GLS: variants seen among roughly 807,000 people sequenced by gnomAD.
The protein encoded by GLS is glutaminase kidney isoform, mitochondrial.
In GLS, 36 loss-of-function variants were observed where a neutral mutation model predicts 86.7. That is an observed-to-expected ratio of 0.42 (90% CI 0.32 to 0.55). GLS has a LOEUF of 0.55. Among genes scored for constraint, GLS ranks in the 20% least tolerant of loss-of-function variants. GLS has a pLI of 0.17. For missense variants in GLS, 528 were observed against 833.4 expected, an observed-to-expected ratio of 0.63 and a Z score of 4.51; for synonymous variants, 317 against 305.9, an observed-to-expected ratio of 1.04 and a Z score of -0.38.
chr2:190,927,245 T>C (rs372114255), intron 11 of GLS, 61 bp from the exon 12 acceptor site: 4 of 1,201,162 alleles, frequency 3.3e-6, no homozygotes, highest in Non-Finnish European at 4.7e-6. Flanking sequence ...AAATAGATTA[T>C]CTTAAAAGTG....
chr2:190,927,848 C>A, intron 12 of GLS: 1 of 161,410 alleles, frequency 6.2e-6, no homozygotes, highest in Non-Finnish European at 1.4e-5. Context: ...TCTTTGGTTA[C>A]GGCCATAGCT....
intron 3 of GLS, chr2:190,896,693 TTTC>T (rs897795664): frequency 1.3e-5 from 2 of 152,174 alleles, no homozygotes; most frequent in African/African-American, 4.8e-5. Flanking sequence ...ACAGCTTGGG[TTTC>T]TTATCTTTTC....
rs1351310507 is a variant in GLS, at chr2:190,895,129, T to C, written c.387-23T>C. On this transcript the variant is annotated intron_variant, in intron 1 of 17. Transcript: ENST00000320717. The surrounding 1 kb of genome is among the most constrained non-coding windows in gnomAD (Gnocchi z 4.2). ...TAGAATGTTCATACAAGGATTAATT[T>C]TGTGTTCTTTCTACCTCTTTAGTAA... 2.0e-6 allele frequency: 2 copies of C among 983,474 alleles called. No individual in the cohort carries two copies. Among genetic ancestry groups the C allele is most frequent in the African/African-American group, 1.6e-5 (1 of 61,938 alleles). The allele number at this position is 983,474 out of a possible 1,614,324, so 60.9% of individuals were successfully genotyped here.
Position 190,930,600 on chromosome 2 carries a change from G to A in GLS, c.1557+32G>A, listed in dbSNP as rs767025947. 48 of 1,578,836 alleles carry A rather than the reference G, an allele frequency of 3.0e-5. No individual in the cohort carries two copies. Among genetic ancestry groups the A allele is most frequent in the Non-Finnish European group, 3.6e-5 (42 of 1,160,710 alleles). ...ATATTTTCTTAATGTAAATAATGGT[G>A]TTACAAGTTGAGCCATCCAATGATT... On this transcript the variant is annotated intron_variant, in intron 13 of 17. Coordinates refer to ENST00000320717, the MANE Select transcript of GLS (RefSeq NM_014905.5). This position sits in a 1 kb window ranked among gnomAD's most constrained non-coding sequence, Gnocchi z 5.0.
At chr2:190,890,555 A>G (rs906979490) in intron 1 of GLS, among the ~76,000 whole-genome samples, 3 of 152,244 alleles carry the variant, frequency 2.0e-5, no homozygotes, top group African/African-American at 7.2e-5. Context: ...TAGACTTAAC[A>G]TTCATTCTCA....
rs778192424 is a variant in GLS at position 190,938,428 on chromosome 2, C to T, written c.1650+6791C>T. Among the ~76,000 whole-genome samples the T allele has an allele frequency of 2.6e-5, 4 of 151,458 alleles. No homozygotes were observed. Among genetic ancestry groups the T allele is most frequent in the East Asian group, 1.9e-4 (1 of 5,200 alleles). On this transcript the variant is annotated intron_variant, in intron 14 of 17. Coordinates refer to ENST00000320717, the MANE Select transcript of GLS (RefSeq NM_014905.5). This position sits in a 1 kb window ranked among gnomAD's most constrained non-coding sequence, Gnocchi z 4.1. ...TTAAATTTATATTCTGTAAAACAGCCGAAGGCTTTCTTTTGTTTTTAAAAC... is the reference window on the plus strand; with the variant it reads ...TTAAATTTATATTCTGTAAAACAGCTGAAGGCTTTCTTTTGTTTTTAAAAC...
intron 9 of GLS, among the ~76,000 whole-genome samples, chr2:190,923,140 AT>A (rs1196494783): frequency 6.6e-6 from 1 of 152,162 alleles, no homozygotes; most frequent in Non-Finnish European, 1.5e-5. Context: ...TAGATCAGTC[AT>A]CACTTCTTTT....
rs1369317540 is a variant in GLS, at chr2:190,921,108, T to A, written c.1072-37T>A. The A allele has an allele frequency of 6.3e-7, 1 of 1,581,062 alleles. No individual in the cohort carries two copies. Among genetic ancestry groups the A allele is most frequent in the Non-Finnish European group, 8.7e-7 (1 of 1,150,490 alleles). On this transcript the variant is annotated intron_variant, in intron 8 of 17. Transcript: ENST00000320717. The surrounding 1 kb of genome is among the most constrained non-coding windows in gnomAD (Gnocchi z 4.2). ...CATGCCACATTCTCTATATATTTGT[T>A]TTTTGATTACTAATATTCCCTACTT...
Position 190,911,763 on chromosome 2 carries a change from T to A in GLS, c.1038+1442T>A, listed in dbSNP as rs1034968711. ...TGCTTGATGACAAAAACACCAAAAG[T>A]GTTTCTTCCCAGAAAAATATCCACA... is the stretch of plus-strand genomic sequence containing the variant. On this transcript the variant is annotated intron_variant, in intron 7 of 17. Coordinates refer to ENST00000320717, the MANE Select transcript of GLS (RefSeq NM_014905.5). Among the ~76,000 whole-genome samples the A allele has an allele frequency of 9.9e-5, 15 of 152,178 alleles. No individual in the cohort carries two copies. The East Asian group carries it at 2.9e-3, about 29-fold the overall frequency.
In GLS at chr2:190,962,052, G is replaced by A. The variant is rs1474354347; in HGVS notation, c.1854-778G>A. On this transcript the variant is annotated intron_variant, in intron 17 of 17. Transcript: ENST00000320717. This position sits in a 1 kb window ranked among gnomAD's most constrained non-coding sequence, Gnocchi z 4.2. The stretch of plus-strand genomic sequence containing the variant: ...ACCCATCGTACCCTGTCATTGACTA[G>A]GGCTGTGAGTTATGTAGTTCTGTCT... Among the ~76,000 whole-genome samples, 1 of 152,194 alleles carries A rather than the reference G, an allele frequency of 6.6e-6. No homozygotes were observed. The highest frequency in any genetic ancestry group is 1.5e-5 in the Non-Finnish European group (1 of 68,026).
intron 17 of GLS, among the ~76,000 whole-genome samples, chr2:190,960,359 A>ATTTTTTT (rs770419477): frequency 5.9e-5 from 6 of 101,482 alleles, no homozygotes; most frequent in African/African-American, 1.6e-4. Context: ...TTAAGCTTCA[A>ATTTTTTT]TTTTTTTTTT....
chr2:190,910,443 A>G (rs975681141), intron 7 of GLS, 122 bp downstream of exon 7: 38 of 580,756 alleles, frequency 6.5e-5, no homozygotes, highest in Admixed American at 1.6e-4. Flanking sequence ...GTGTTAAGAA[A>G]TTTGTCTTAT....
chr2:190,954,694 C>T lies in GLS; in HGVS notation c.1789+34C>T, dbSNP rs779651584. The T allele has an allele frequency of 6.2e-7, 1 of 1,607,598 alleles. No homozygotes were observed. Among genetic ancestry groups the T allele is most frequent in the South Asian group, 1.1e-5 (1 of 90,926 alleles). On this transcript the variant is annotated intron_variant, in intron 16 of 17. Transcript: ENST00000320717. This position sits in a 1 kb window ranked among gnomAD's most constrained non-coding sequence, Gnocchi z 4.0. ...GGAACTACTCCTATCTATTTTCTTTCCAGATTTAATTTCTACTTAGTACTA... is the reference window on the plus strand; with the variant it reads ...GGAACTACTCCTATCTATTTTCTTTTCAGATTTAATTTCTACTTAGTACTA...
intron 5 of GLS, 63 bp downstream of exon 5, chr2:190,902,089 A>G: frequency 1.1e-6 from 1 of 888,054 alleles, no homozygotes; most frequent in East Asian, 2.4e-5. Context: ...AATGGTGAGA[A>G]TGACATGGAG....
Position 190,913,121 on chromosome 2 carries a change from C to T in GLS, c.1038+2800C>T, listed in dbSNP as rs889627025. 2.1e-5 allele frequency: 26 copies of T among 1,260,854 alleles called. 1 individual carries two copies. In the Middle Eastern group the frequency reaches 1.1e-3, roughly 54 times the overall value. The allele number at this position is 1,260,854 out of a possible 1,614,324, so 78.1% of individuals were successfully genotyped here. On this transcript the variant is annotated intron_variant, in intron 7 of 17. Transcript: ENST00000320717. The surrounding 1 kb of genome is among the most constrained non-coding windows in gnomAD (Gnocchi z 6.1). Reference sequence around the variant, plus strand: ...TTTCTTCATGTTAATCCCCCCACCCCAAAATTAAGTAGAGTCTTTAGTAAG... The same window carrying T: ...TTTCTTCATGTTAATCCCCCCACCCTAAAATTAAGTAGAGTCTTTAGTAAG...
chr2:190,895,318 A>G lies in GLS; in HGVS notation c.483+70A>G, dbSNP rs955525338. On this transcript the variant is annotated intron_variant, in intron 2 of 17. Transcript: ENST00000320717. This position sits in a 1 kb window ranked among gnomAD's most constrained non-coding sequence, Gnocchi z 4.2. Reference sequence around the variant, plus strand: ...TAATAAATATATACAGTATTATTGAAATATAGTCTTAAAGGTCGTCTGACA... The same window carrying G: ...TAATAAATATATACAGTATTATTGAGATATAGTCTTAAAGGTCGTCTGACA... 1 of 651,374 alleles carries G rather than the reference A, an allele frequency of 1.5e-6. No individual in the cohort carries two copies. Among genetic ancestry groups the G allele is most frequent in the South Asian group, 2.2e-5 (1 of 45,690 alleles). 40.3% of individuals were successfully genotyped at this position (651,374 alleles called of 1,614,324 possible). A position where few individuals can be genotyped will look rare whatever the true frequency, so the allele number is the denominator to read the frequency against.
intron 7 of GLS, among the ~76,000 whole-genome samples, chr2:190,916,912 A>G (rs768321106): frequency 1.3e-5 from 2 of 152,214 alleles, no homozygotes; most frequent in African/African-American, 2.4e-5. Flanking sequence ...GCTAAGGATC[A>G]TCGGAGCCTT....
At chr2:190,934,896 CAAACTT>C (rs1690224296) in intron 14 of GLS, 24 of 979,036 alleles carry the variant, frequency 2.5e-5, no homozygotes, top group Non-Finnish European at 2.8e-5. Context: ...AATAGGCCCT[CAAACTT>C]AAAAAAGAAA....
At position 190,962,241 on chromosome 2, in the gene GLS, T is replaced by TCTAC. The variant is rs1177742766; in HGVS notation, c.1854-589_1854-588insCTAC. Among the ~76,000 whole-genome samples the TCTAC allele has an allele frequency of 7.2e-5, 11 of 152,152 alleles. No homozygotes were observed. The highest frequency in any genetic ancestry group is 4.6e-4 in the Admixed American group (7 of 15,272). ...ATGGAAAGGGGAGTTACTCTTCTGGTGTAGTGGTCCGATTGAGTCCATGGC... is the reference window on the plus strand; with the variant it reads ...ATGGAAAGGGGAGTTACTCTTCTGGTCTACGTAGTGGTCCGATTGAGTCCATGGC... On this transcript the variant is annotated intron_variant, in intron 17 of 17. Transcript: ENST00000320717. This position sits in a 1 kb window ranked among gnomAD's most constrained non-coding sequence, Gnocchi z 4.2.
Sources: allele counts gnomAD v4.1 joint callset (sites outside exome capture counted in the v4.1 genomes callset), GRCh38; gene constraint gnomAD v4.1.1; non-coding constraint Gnocchi (gnomAD v3.1); transcripts MANE v1.5; gene names NCBI Gene and HGNC (gene_info 2026-07-23, HGNC 2026-07-21).